DNAJC24: variants seen among roughly 807,000 people sequenced by gnomAD.
DNAJC24 encodes dnaJ homolog subfamily C member 24.
DNAJC24 carries 17 observed loss-of-function variants against 18.0 expected under a neutral mutation model. The observed-to-expected ratio is 0.94, with a 90% CI of 0.65 to 1.42. DNAJC24 has a LOEUF of 1.42. Ranked by LOEUF, DNAJC24 falls within the 40% of genes most tolerant of loss-of-function variation. The pLI is 0.00. For missense variants in DNAJC24, 158 were observed against 175.6 expected (o/e 0.90, Z 0.57); for synonymous variants, 55 against 57.7 (o/e 0.95, Z 0.21).
chr11:31,428,395 C>G (rs1156312713), intron 4 of DNAJC24, among the ~76,000 whole-genome samples: 1 of 152,082 alleles, frequency 6.6e-6, no homozygotes, highest in South Asian at 2.1e-4. Flanking sequence ...TGTAGAAATA[C>G]TTAAAAACGA....
intron 3 of DNAJC24, 111 bp downstream of exon 3, chr11:31,415,060 T>A: frequency 8.7e-7 from 1 of 1,155,696 alleles, no homozygotes; most frequent in Non-Finnish European, 1.2e-6. Flanking sequence ...TATTGTTGCC[T>A]TTATTCCTCC....
chr11:31,382,812 A>G (rs1477927894), intron 2 of DNAJC24, among the ~76,000 whole-genome samples: 3 of 152,134 alleles, frequency 2.0e-5, no homozygotes, highest in African/African-American at 7.2e-5. Flanking sequence ...TGTCAGATCC[A>G]TAAGGGTTAA....
chr11:31,415,030 C>A, intron 3 of DNAJC24, 81 bp downstream of exon 3: 1 of 1,466,604 alleles, frequency 6.8e-7, no homozygotes, highest in Non-Finnish European at 9.2e-7. Context: ...GGAGCATTTT[C>A]CAGCATTTGC....
At chr11:31,385,382 A>G (rs917841473) in intron 2 of DNAJC24, among the ~76,000 whole-genome samples, 10 of 152,202 alleles carry the variant, frequency 6.6e-5, no homozygotes, top group Admixed American at 4.6e-4. Context: ...TGACTTTTCA[A>G]TGAATGCCAT....
intron 2 of DNAJC24, among the ~76,000 whole-genome samples, chr11:31,390,428 C>T (rs1288085268): frequency 1.4e-5 from 2 of 146,216 alleles, no homozygotes; most frequent in Non-Finnish European, 3.0e-5. Flanking sequence ...AAATTAAAGG[C>T]CGGGTGCGGT....
intron 3 of DNAJC24, among the ~76,000 whole-genome samples, chr11:31,422,643 T>C (rs1228099158): frequency 1.3e-5 from 2 of 152,216 alleles, no homozygotes; most frequent in African/African-American, 4.8e-5. Flanking sequence ...AAAAGAAAAC[T>C]AACTTATCTG....
At position 31,372,528 on chromosome 11, in the gene DNAJC24, C is replaced by A. The variant is rs555627920; in HGVS notation, c.111+1669C>A. Among the ~76,000 whole-genome samples the A allele has an allele frequency of 5.2e-5, 7 of 135,644 alleles. No homozygotes were observed. The South Asian group carries it at 9.9e-4, about 19-fold the overall frequency. The allele number at this position is 135,644 out of a possible 152,430, so 89.0% of individuals were successfully genotyped here. A position where few individuals can be genotyped will look rare whatever the true frequency, so the allele number is the denominator to read the frequency against. On this transcript the variant is annotated intron_variant, in intron 2 of 4. Transcript: ENST00000465995. Reference sequence around the variant, plus strand: ...ATCCTAATATTAAACCATCCTTGTACCTCACTCAGTTAATTGGGAAATGAA... The same window carrying A: ...ATCCTAATATTAAACCATCCTTGTAACTCACTCAGTTAATTGGGAAATGAA...
intron 2 of DNAJC24, among the ~76,000 whole-genome samples, chr11:31,393,436 T>C (rs1952517311): frequency 1.3e-5 from 2 of 152,232 alleles, no homozygotes; most frequent in African/African-American, 4.8e-5. Flanking sequence ...CATGTTGATA[T>C]TTAATCACTG....
At chr11:31,414,970 G>A (rs2133497973) in intron 3 of DNAJC24, 21 bp downstream of exon 3, 4 of 1,609,712 alleles carry the variant, frequency 2.5e-6, no homozygotes, top group East Asian at 4.5e-5. Flanking sequence ...GTGTTGAGGA[G>A]CCACAGCACA....
intron 2 of DNAJC24, among the ~76,000 whole-genome samples, chr11:31,389,451 A>T (rs1310663299): frequency 6.6e-6 from 1 of 152,242 alleles, no homozygotes; most frequent in Non-Finnish European, 1.5e-5. Context: ...CAGCAAGATG[A>T]TATAACAATT....
At chr11:31,406,658 A>G (rs1468036979) in intron 2 of DNAJC24, among the ~76,000 whole-genome samples, 1 of 152,212 alleles carries the variant, frequency 6.6e-6, no homozygotes, top group African/African-American at 2.4e-5. Context: ...GGGGAATGAC[A>G]TGGTCAGAGT....
intron 2 of DNAJC24, among the ~76,000 whole-genome samples, chr11:31,391,414 G>A (rs1181688906): frequency 1.3e-5 from 2 of 151,886 alleles, no homozygotes; most frequent in East Asian, 3.9e-4. Context: ...TAAACAATAG[G>A]GAAAAAATGT....
At chr11:31,407,923 T>A (rs1043947280) in intron 2 of DNAJC24, among the ~76,000 whole-genome samples, 1 of 150,088 alleles carries the variant, frequency 6.7e-6, no homozygotes, top group Non-Finnish European at 1.5e-5. Flanking sequence ...AAAAAAAAAA[T>A]AAACAGGTTA....
chr11:31,384,083 T>G (rs1239375118), intron 2 of DNAJC24, among the ~76,000 whole-genome samples: 1 of 152,220 alleles, frequency 6.6e-6, no homozygotes, highest in African/African-American at 2.4e-5. Context: ...TTACAGTGTT[T>G]TATAATGTAT....
intron 2 of DNAJC24, among the ~76,000 whole-genome samples, chr11:31,397,679 C>G (rs1437253441): frequency 6.6e-6 from 1 of 152,154 alleles, no homozygotes; most frequent in Non-Finnish European, 1.5e-5. Flanking sequence ...AAACTATATT[C>G]AGATTCATTA....
chr11:31,401,479 A>C (rs1591911320), intron 2 of DNAJC24, among the ~76,000 whole-genome samples: 5 of 143,142 alleles, frequency 3.5e-5, no homozygotes, highest in Admixed American at 7.0e-5. Flanking sequence ...TTTCTTCACT[A>C]CCTCCCCCTC....
chr11:31,389,327 G>GAAAC (rs1564949384), intron 2 of DNAJC24, among the ~76,000 whole-genome samples: 1 of 151,620 alleles, frequency 6.6e-6, no homozygotes, highest in African/African-American at 2.4e-5. Flanking sequence ...CATGCAAATT[G>GAAAC]AAACAAACAA....
chr11:31,390,263 G>A (rs1403169119), intron 2 of DNAJC24, among the ~76,000 whole-genome samples: 2 of 151,978 alleles, frequency 1.3e-5, no homozygotes, highest in East Asian at 1.9e-4. Flanking sequence ...AGGCATGATG[G>A]CATGCACCTG....
chr11:31,413,888 G>T (rs1360107062), intron 2 of DNAJC24, among the ~76,000 whole-genome samples: 2 of 152,084 alleles, frequency 1.3e-5, no homozygotes, highest in Non-Finnish European at 2.9e-5. Flanking sequence ...TTTGTTGAGA[G>T]ATTTCTGAAA....
Sources: gnomAD v4.1 joint callset for allele counts (sites outside exome capture counted in the v4.1 genomes callset) on GRCh38, gnomAD v4.1.1 for gene constraint, MANE v1.5 for transcripts, NCBI Gene and HGNC (gene_info 2026-07-23, HGNC 2026-07-21) for gene names.